Variants in MARK3 observed in about 807,000 individuals in gnomAD.
The protein encoded by MARK3 is microtubule affinity regulating kinase 3, also known as MAP/microtubule affinity-regulating kinase 3.
In MARK3, 46 loss-of-function variants were observed where a neutral mutation model predicts 90.1. The observed-to-expected ratio is 0.51, with a 90% CI of 0.40 to 0.65. MARK3 has a LOEUF of 0.65. MARK3 is among the 30% of genes least tolerant of loss of function. The pLI, the probability that MARK3 is intolerant of heterozygous loss-of-function variation, is 0.00. For synonymous variants in MARK3, 321 were observed against 332.6 expected (o/e 0.97, Z 0.38); for missense variants, 818 against 947.2 (o/e 0.86, Z 1.79).
chr14:103,470,271 C>T (rs1595835016), intron 12 of MARK3, among the ~76,000 whole-genome samples: 2 of 151,618 alleles, frequency 1.3e-5, no homozygotes, highest in South Asian at 2.1e-4. Context: ...GAAGCCAGTC[C>T]TTTATGAGAC....
At chr14:103,492,783 A>C (rs2094040044) in intron 15 of MARK3, among the ~76,000 whole-genome samples, 1 of 152,190 alleles carries the variant, frequency 6.6e-6, no homozygotes, top group Non-Finnish European at 1.5e-5. Context: ...ACCTGTTACA[A>C]AAGCCCAGAA....
At chr14:103,392,883 C>G (rs979150636) in intron 1 of MARK3, among the ~76,000 whole-genome samples, 2 of 151,506 alleles carry the variant, frequency 1.3e-5, no homozygotes, top group African/African-American at 4.9e-5. Context: ...CGATCTCGCT[C>G]GCTGCAACCT....
At chr14:103,438,044 A>G (rs2092757940) in intron 3 of MARK3, among the ~76,000 whole-genome samples, 1 of 152,112 alleles carries the variant, frequency 6.6e-6, no homozygotes, top group African/African-American at 2.4e-5. Flanking sequence ...CTTGTTGCCC[A>G]GGCTGGAGTG....
chr14:103,427,484 A>AG (rs1431858650), intron 2 of MARK3, among the ~76,000 whole-genome samples: 1 of 92,916 alleles, frequency 1.1e-5, no homozygotes, highest in African/African-American at 3.5e-5. Flanking sequence ...TAGGCAACAG[A>AG]GGGAGACTGT....
intron 1 of MARK3, among the ~76,000 whole-genome samples, chr14:103,403,049 C>T (rs1484025999): frequency 6.6e-6 from 1 of 151,418 alleles, no homozygotes; most frequent in Non-Finnish European, 1.5e-5. Flanking sequence ...CCCCCCACCC[C>T]ATCCCTGCCC....
At chr14:103,399,154 C>A (rs189160068) in intron 1 of MARK3, among the ~76,000 whole-genome samples, 1 of 152,018 alleles carries the variant, frequency 6.6e-6, no homozygotes, top group Admixed American at 6.6e-5. Flanking sequence ...GACTTCCTGC[C>A]GGCAAGGATT....
intron 13 of MARK3, among the ~76,000 whole-genome samples, chr14:103,478,521 C>G: frequency 6.6e-6 from 1 of 151,600 alleles, no homozygotes; most frequent in South Asian, 2.1e-4. Context: ...ATGGTTCATC[C>G]AATTTGTAGC....
intron 2 of MARK3, among the ~76,000 whole-genome samples, chr14:103,419,776 C>A (rs903671987): frequency 4.6e-5 from 7 of 151,700 alleles, no homozygotes; most frequent in Non-Finnish European, 1.0e-4. Flanking sequence ...TAGTGACTGA[C>A]AAAAAAAGTT....
chr14:103,463,877 G>A (rs559795946), intron 7 of MARK3, among the ~76,000 whole-genome samples: 1 of 152,206 alleles, frequency 6.6e-6, no homozygotes, highest in Admixed American at 6.5e-5. Context: ...ATTAAGCCCT[G>A]ACCATCTCCC....
At chr14:103,451,891 T>C (rs1455231619) in intron 4 of MARK3, 27 bp from the exon 5 acceptor site, 2 of 1,560,452 alleles carry the variant, frequency 1.3e-6, no homozygotes, top group East Asian at 2.3e-5. Context: ...TGTCTCTTTT[T>C]CTTCCGTGTC....
At position 103,392,560 on chromosome 14, in the gene MARK3, G is replaced by GT. The variant is rs534346973; in HGVS notation, c.51+6481dup. On this transcript the variant is annotated intron_variant, in intron 1 of 17. Coordinates refer to ENST00000429436, the MANE Select transcript of MARK3 (RefSeq NM_001128918.3). ...AAGAAAAAAAAATCACTGCCTTAGT[G>GT]TGCAGTGAAGGCTTGCTAACTAAAC... Among the ~76,000 whole-genome samples, 38 of 152,222 alleles carry GT rather than the reference G, an allele frequency of 2.5e-4. No homozygotes were observed. In the South Asian group the frequency reaches 7.9e-3, roughly 32 times the overall value.
chr14:103,457,056 C>A, intron 5 of MARK3, 86 bp from the exon 6 acceptor site: 4 of 745,634 alleles, frequency 5.4e-6, no homozygotes, highest in South Asian at 2.0e-5. Context: ...AAAATTAGAG[C>A]ATTGCTAAAA....
chr14:103,488,446 G>T (rs1012535736), intron 14 of MARK3, among the ~76,000 whole-genome samples: 1 of 152,198 alleles, frequency 6.6e-6, no homozygotes, highest in East Asian at 1.9e-4. Flanking sequence ...TGGATACTGA[G>T]TGGCAGAAAT....
chr14:103,471,642 A>G lies in MARK3; in HGVS notation c.1265-3351A>G, dbSNP rs560447682. 3.2e-4 allele frequency among the ~76,000 whole-genome samples: 48 copies of G among 152,186 alleles called. 1 individual carries two copies. In the East Asian group the frequency reaches 9.3e-3, roughly 29 times the overall value. ...CTTGCCTGTGGATGCTGACCTCTGCATGGGTGCCTGCTTCTCTAAAGCTAC... is the reference window on the plus strand; with the variant it reads ...CTTGCCTGTGGATGCTGACCTCTGCGTGGGTGCCTGCTTCTCTAAAGCTAC... On this transcript the variant is annotated intron_variant, in intron 12 of 17. Transcript: ENST00000429436.
Position 103,503,325 on chromosome 14 carries a change from T to C in MARK3, c.*98T>C. ...ATATTTAGGCAATAACGTCTGCATCTTCTAAATCATGAAATTAAAGTCTGA... is the reference window on the plus strand; with the variant it reads ...ATATTTAGGCAATAACGTCTGCATCCTCTAAATCATGAAATTAAAGTCTGA... On this transcript the variant is annotated 3_prime_UTR_variant, in exon 18 of 18. Transcript: ENST00000429436. 9.1e-7 allele frequency: 1 copy of C among 1,096,082 alleles called. No individual in the cohort carries two copies. Among genetic ancestry groups the C allele is most frequent in the Non-Finnish European group, 1.3e-6 (1 of 771,754 alleles). The allele number at this position is 1,096,082 out of a possible 1,614,324, so 67.9% of individuals were successfully genotyped here. A position where few individuals can be genotyped will look rare whatever the true frequency, so the allele number is the denominator to read the frequency against.
At chr14:103,451,035 A>G (rs1270814586) in intron 4 of MARK3, among the ~76,000 whole-genome samples, 1 of 144,866 alleles carries the variant, frequency 6.9e-6, no homozygotes, top group Non-Finnish European at 1.5e-5. Context: ...GGCTCAGGCC[A>G]TTCTCCCACC....
At chr14:103,425,955 T>TAA (rs1167061340) in intron 2 of MARK3, among the ~76,000 whole-genome samples, 1 of 152,226 alleles carries the variant, frequency 6.6e-6, no homozygotes, top group Non-Finnish European at 1.5e-5. Context: ...TAGACCAAGT[T>TAA]AAGCAGGGTT....
At chr14:103,409,280 C>T (rs2091484581) in intron 2 of MARK3, among the ~76,000 whole-genome samples, 1 of 151,636 alleles carries the variant, frequency 6.6e-6, no homozygotes, top group Non-Finnish European at 1.5e-5. Flanking sequence ...GGGAACATCA[C>T]ACACCAGGGC....
intron 2 of MARK3, among the ~76,000 whole-genome samples, chr14:103,405,833 G>A (rs1466965053): frequency 6.7e-6 from 1 of 148,978 alleles, no homozygotes; most frequent in African/African-American, 2.5e-5. Flanking sequence ...TCCTGACCTC[G>A]TGATCCACCT....
Sources: gnomAD v4.1 joint callset for allele counts (sites outside exome capture counted in the v4.1 genomes callset) on GRCh38, gnomAD v4.1.1 for gene constraint, MANE v1.5 for transcripts, NCBI Gene and HGNC (gene_info 2026-07-23, HGNC 2026-07-21) for gene names.